EPS15L1: variants seen among roughly 807,000 people sequenced by gnomAD.
EPS15L1 encodes epidermal growth factor receptor pathway substrate 15 like 1.
In EPS15L1, 43 loss-of-function variants were observed where a neutral mutation model predicts 117.1. The observed-to-expected ratio is 0.37, with a 90% CI of 0.29 to 0.47. The LOEUF is 0.47. EPS15L1 is among the 20% of genes least tolerant of loss of function. The pLI is 0.99. For missense variants in EPS15L1, 981 were observed against 1,164.0 expected, an observed-to-expected ratio of 0.84 and a Z score of 2.29; for synonymous variants, 459 against 470.5, an observed-to-expected ratio of 0.98 and a Z score of 0.32.
chr19:16,432,977 T>C (rs2092943989), intron 7 of EPS15L1, among the ~76,000 whole-genome samples: 1 of 146,304 alleles, frequency 6.8e-6, no homozygotes, highest in Admixed American at 6.7e-5. Context: ...GCTAGTTTTT[T>C]GTATTTTTTT....
Position 16,417,563 on chromosome 19 carries a change from G to T in EPS15L1, c.1182C>A (p.Ala394=). The part of the protein sequence containing the change: ...KELDDISQEI[A]QLQREKYSLE... ...CGTTTCCAACATACCTTTGTAACTG[G>T]GCAATCTCTTGACTGATGTCATCAA... Residue 394 remains alanine, a synonymous_variant, in exon 12 of 24, where the codon GCC becomes GCA. Coordinates refer to ENST00000455140, the MANE Select transcript of EPS15L1 (RefSeq NM_001258374.3). 2 of 1,613,858 alleles carry T rather than the reference G, an allele frequency of 1.2e-6. No homozygotes were observed. Among genetic ancestry groups the T allele is most frequent in the South Asian group, 1.1e-5 (1 of 91,080 alleles).
chr19:16,410,497 A>G (rs969078554), intron 13 of EPS15L1, among the ~76,000 whole-genome samples: 1 of 152,248 alleles, frequency 6.6e-6, no homozygotes, highest in East Asian at 1.9e-4. Context: ...ATTCACTCCC[A>G]GGTATACACT....
At position 16,417,934 on chromosome 19, in the gene EPS15L1, C is replaced by G; in HGVS notation, c.1107+14G>C. 6.2e-7 allele frequency: 1 copy of G among 1,609,946 alleles called. No individual in the cohort carries two copies. On this transcript the variant is annotated intron_variant, in intron 11 of 23. Coordinates refer to ENST00000455140, the MANE Select transcript of EPS15L1 (RefSeq NM_001258374.3). ...GGATGTCAATACCCCCAGGGCATGA[C>G]CAGCACCACTCACCGGGCCGGGCGT...
chr19:16,369,494 T>C (rs1599532026), intron 22 of EPS15L1, among the ~76,000 whole-genome samples: 1 of 152,166 alleles, frequency 6.6e-6, no homozygotes, highest in Non-Finnish European at 1.5e-5. Flanking sequence ...CCAATGGCTG[T>C]GGCCTCATCT....
At chr19:16,457,623 G>A (rs2093209928) in intron 1 of EPS15L1, among the ~76,000 whole-genome samples, 1 of 151,862 alleles carries the variant, frequency 6.6e-6, no homozygotes, top group Non-Finnish European at 1.5e-5. Flanking sequence ...CAGAAGGGAT[G>A]GAACTGGAAT....
chr19:16,374,225 C>T (rs780324585), intron 22 of EPS15L1, among the ~76,000 whole-genome samples: 2 of 152,198 alleles, frequency 1.3e-5, no homozygotes, highest in Non-Finnish European at 2.9e-5. Flanking sequence ...CATGGCCTGG[C>T]CTGTCTCCCT....
chr19:16,445,891 C>T (rs2093078603), intron 1 of EPS15L1, among the ~76,000 whole-genome samples: 1 of 152,208 alleles, frequency 6.6e-6, no homozygotes, highest in Admixed American at 6.5e-5. Context: ...GATGTGTTCT[C>T]CTGACCCAGC....
chr19:16,367,984 A>AGAGTGT (rs751127564), intron 22 of EPS15L1, among the ~76,000 whole-genome samples: 1 of 151,292 alleles, frequency 6.6e-6, no homozygotes, highest in Non-Finnish European at 1.5e-5. Context: ...AGAGAGAGAG[A>AGAGTGT]GTGTGTGTGT....
intron 16 of EPS15L1, among the ~76,000 whole-genome samples, chr19:16,395,872 G>A (rs141987376): frequency 3.9e-5 from 6 of 151,992 alleles, no homozygotes; most frequent in African/African-American, 1.4e-4. Flanking sequence ...TTGAACCCAG[G>A]AGGTGGAGGT....
intron 13 of EPS15L1, among the ~76,000 whole-genome samples, chr19:16,410,133 CAA>C (rs200662040): frequency 9.8e-5 from 8 of 81,714 alleles, no homozygotes; most frequent in Non-Finnish European, 1.5e-4. Context: ...GACTCCGTCT[CAA>C]AAAAAAAAAA....
At chr19:16,415,472 G>T (rs2092749515) in intron 12 of EPS15L1, among the ~76,000 whole-genome samples, 1 of 152,140 alleles carries the variant, frequency 6.6e-6, no homozygotes, top group South Asian at 2.1e-4. Flanking sequence ...CCCTCTCAGG[G>T]ACATGTCGCC....
intron 1 of EPS15L1, among the ~76,000 whole-genome samples, chr19:16,451,421 A>G (rs1256812507): frequency 1.3e-5 from 2 of 152,208 alleles, no homozygotes; most frequent in Admixed American, 1.3e-4. Context: ...CAAAGGCGTT[A>G]TTATTAGTTG....
At chr19:16,413,161 T>C (rs2092724054) in intron 13 of EPS15L1, 3 of 661,866 alleles carry the variant, frequency 4.5e-6, no homozygotes, top group Non-Finnish European at 8.3e-6. Context: ...AGGGCCATCA[T>C]ACTGGCCAAG....
intron 10 of EPS15L1, among the ~76,000 whole-genome samples, chr19:16,418,482 G>T (rs1050963564): frequency 6.6e-6 from 1 of 152,244 alleles, no homozygotes; most frequent in African/African-American, 2.4e-5. Context: ...CGTGGAAATG[G>T]GTGCTGAGAC....
At chr19:16,438,772 T>C (rs2093000658) in intron 4 of EPS15L1, among the ~76,000 whole-genome samples, 1 of 152,178 alleles carries the variant, frequency 6.6e-6, no homozygotes, top group African/African-American at 2.4e-5. Flanking sequence ...CCTCCTGCCT[T>C]AGCTTCCTGA....
intron 22 of EPS15L1, among the ~76,000 whole-genome samples, chr19:16,376,577 C>T (rs1363840374): frequency 6.6e-6 from 1 of 152,192 alleles, no homozygotes. Context: ...GCCATCCTGC[C>T]TCCTCACATC....
At chr19:16,463,040 G>A (rs1434528783) in intron 1 of EPS15L1, among the ~76,000 whole-genome samples, 2 of 152,200 alleles carry the variant, frequency 1.3e-5, no homozygotes, top group Admixed American at 6.5e-5. Flanking sequence ...GACCTGGAGG[G>A]TGGGGCTCGG....
At chr19:16,415,052 AG>A (rs2144907507) in intron 12 of EPS15L1, among the ~76,000 whole-genome samples, 1 of 152,270 alleles carries the variant, frequency 6.6e-6, no homozygotes, top group African/African-American at 2.4e-5. Context: ...TGTATTTCCT[AG>A]CACTGCTGTA....
At chr19:16,432,413 G>C (rs931559428) in intron 7 of EPS15L1, among the ~76,000 whole-genome samples, 1 of 152,008 alleles carries the variant, frequency 6.6e-6, no homozygotes, top group African/African-American at 2.4e-5. Context: ...CTAAAAATAT[G>C]AAAAATTAGC....
Sources: allele counts gnomAD v4.1 joint callset (sites outside exome capture counted in the v4.1 genomes callset), GRCh38; gene constraint gnomAD v4.1.1; transcripts MANE v1.5; gene names NCBI Gene and HGNC (gene_info 2026-07-23, HGNC 2026-07-21).